Variants in PRUNE2 observed in about 807,000 individuals in gnomAD.
The protein encoded by PRUNE2 is protein prune homolog 2.
A neutral mutation model predicts 252.0 loss-of-function variants in PRUNE2; 164 were observed. The ratio of observed to expected loss-of-function variants is 0.65; its 90% CI spans 0.57 to 0.74. The LOEUF is 0.74. PRUNE2 is among the 30% of genes least tolerant of loss of function. The probability of loss-of-function intolerance (pLI) is 0.00; values close to 1 mark genes in which losing one functional copy is unlikely to be tolerated. For missense variants in PRUNE2, 3,495 were observed against 3,711.0 expected, an observed-to-expected ratio of 0.94 and a Z score of 1.51; for synonymous variants, 1,292 against 1,350.2, an observed-to-expected ratio of 0.96 and a Z score of 0.94.
chr9:76,670,417 G>A (rs1337122518), intron 9 of PRUNE2, among the ~76,000 whole-genome samples: 1 of 151,836 alleles, frequency 6.6e-6, no homozygotes, highest in African/African-American at 2.4e-5. Context: ...ACGGAGTCTC[G>A]CTGATTGCTA....
intron 6 of PRUNE2, among the ~76,000 whole-genome samples, chr9:76,716,594 A>G (rs918899939): frequency 1.3e-5 from 2 of 152,114 alleles, no homozygotes; most frequent in African/African-American, 4.8e-5. Context: ...GTTCTCATTT[A>G]GCAGGTTGGG....
intron 6 of PRUNE2, among the ~76,000 whole-genome samples, chr9:76,750,509 A>G (rs893330009): frequency 1.3e-5 from 2 of 152,348 alleles, no homozygotes; most frequent in Admixed American, 1.3e-4. Context: ...TCCTATGCAT[A>G]GTCAATATCT....
intron 6 of PRUNE2, among the ~76,000 whole-genome samples, chr9:76,813,516 A>G (rs1444058993): frequency 6.6e-6 from 1 of 152,190 alleles, no homozygotes; most frequent in East Asian, 1.9e-4. Flanking sequence ...CAAATAAGGA[A>G]ATATTCTTCC....
intron 6 of PRUNE2, among the ~76,000 whole-genome samples, chr9:76,814,787 G>T (rs965429587): frequency 6.6e-6 from 1 of 152,162 alleles, no homozygotes; most frequent in Non-Finnish European, 1.5e-5. Flanking sequence ...GTCCACATTT[G>T]CATATAAATC....
chr9:76,791,064 C>CTCT (rs1334452794), intron 6 of PRUNE2, among the ~76,000 whole-genome samples: 3 of 152,106 alleles, frequency 2.0e-5, no homozygotes, highest in African/African-American at 2.4e-5. Flanking sequence ...ACAGTGACTG[C>CTCT]CAGAGGTTGA....
In PRUNE2 at chr9:76,665,087, C is replaced by A. The variant is rs557836910; in HGVS notation, c.8277-9585G>T. ...TGTTTACGATCGTCATCCCTACCTC[C>A]TCCAAATTATAACTAATATCCTTCT... On this transcript the variant is annotated intron_variant, in intron 9 of 18. Coordinates refer to ENST00000376718, the MANE Select transcript of PRUNE2 (RefSeq NM_015225.3). Among the ~76,000 whole-genome samples the A allele has an allele frequency of 1.1e-4, 16 of 152,254 alleles. No individual in the cohort carries two copies. The South Asian group carries it at 2.9e-3, about 28-fold the overall frequency.
In PRUNE2 at chr9:76,614,614, A is replaced by G. The variant is rs192371595; in HGVS notation, c.9237-14T>C. 6.2e-6 allele frequency: 10 copies of G among 1,606,094 alleles called. No individual in the cohort carries two copies. The highest frequency in any genetic ancestry group is 8.5e-6 in the Non-Finnish European group (10 of 1,174,224). ...TTCAAGTCAATACTGCAAAGAAAAG[A>G]AAAAGAGAGAGAAACATGAGAAACC... On this transcript the variant is annotated splice_polypyrimidine_tract_variant and intron_variant, in intron 18 of 18. Transcript: ENST00000376718.
intron 1 of PRUNE2, among the ~76,000 whole-genome samples, chr9:76,855,180 A>C (rs1170905404): frequency 6.6e-6 from 1 of 151,242 alleles, no homozygotes; most frequent in Non-Finnish European, 1.5e-5. Flanking sequence ...TCCTTTGTGG[A>C]AGGCTGACAT....
intron 1 of PRUNE2, among the ~76,000 whole-genome samples, chr9:76,870,387 TA>T (rs569688194): frequency 8.2e-5 from 12 of 147,160 alleles, no homozygotes; most frequent in South Asian, 2.1e-4. Context: ...GAGAACATGC[TA>T]AAAAAAAAAT....
chr9:76,698,115 C>T (rs1421585339), intron 9 of PRUNE2, among the ~76,000 whole-genome samples: 2 of 149,982 alleles, frequency 1.3e-5, no homozygotes, highest in Non-Finnish European at 1.5e-5. Context: ...GGTGTGATCT[C>T]GGCTCACTGC....
At chr9:76,647,739 T>C (rs944648432) in intron 11 of PRUNE2, among the ~76,000 whole-genome samples, 3 of 152,028 alleles carry the variant, frequency 2.0e-5, no homozygotes, top group African/African-American at 7.2e-5. Flanking sequence ...CTGAGGTGGG[T>C]GGATCACGAG....
intron 6 of PRUNE2, among the ~76,000 whole-genome samples, chr9:76,818,805 T>C (rs1224288496): frequency 6.6e-6 from 1 of 152,218 alleles, no homozygotes; most frequent in Non-Finnish European, 1.5e-5. Context: ...TTTTAAGTTT[T>C]ATTCTTTTAA....
chr9:76,853,893 T>C (rs985056945), intron 2 of PRUNE2, among the ~76,000 whole-genome samples: 1 of 152,142 alleles, frequency 6.6e-6, no homozygotes, highest in Non-Finnish European at 1.5e-5. Context: ...ATAAGGAGAG[T>C]TGGTAAGAAA....
intron 9 of PRUNE2, among the ~76,000 whole-genome samples, chr9:76,694,352 T>C (rs979092564): frequency 2.6e-5 from 4 of 152,204 alleles, no homozygotes; most frequent in Admixed American, 2.0e-4. Flanking sequence ...CCAACTAATT[T>C]TTGTATTTTT....
chr9:76,828,613 A>C (rs1733307690), intron 4 of PRUNE2, among the ~76,000 whole-genome samples: 1 of 152,234 alleles, frequency 6.6e-6, no homozygotes, highest in African/African-American at 2.4e-5. Flanking sequence ...CAGCACACAG[A>C]ACTAAACAGA....
chr9:76,656,679 G>A (rs1040001556), intron 9 of PRUNE2, among the ~76,000 whole-genome samples: 5 of 152,114 alleles, frequency 3.3e-5, no homozygotes, highest in African/African-American at 1.2e-4. Context: ...AAACAGACCC[G>A]TCTCATTCTC....
intron 1 of PRUNE2, among the ~76,000 whole-genome samples, chr9:76,896,382 T>C (rs969316153): frequency 1.2e-4 from 19 of 152,190 alleles, no homozygotes; most frequent in Non-Finnish European, 5.9e-5. Context: ...TAACTGATGA[T>C]AGGTTTTCAA....
intron 1 of PRUNE2, among the ~76,000 whole-genome samples, chr9:76,880,638 A>G (rs1048069799): frequency 6.6e-6 from 1 of 152,270 alleles, no homozygotes; most frequent in South Asian, 2.1e-4. Context: ...GTACACACAT[A>G]TTTTTTAATA....
intron 9 of PRUNE2, among the ~76,000 whole-genome samples, chr9:76,677,938 G>A (rs968240080): frequency 3.3e-5 from 5 of 152,202 alleles, no homozygotes; most frequent in African/African-American, 4.8e-5. Flanking sequence ...ATCCTGGGGC[G>A]AACGGGACAC....
Sources: allele counts gnomAD v4.1 joint callset (sites outside exome capture counted in the v4.1 genomes callset), GRCh38; gene constraint gnomAD v4.1.1; transcripts MANE v1.5; gene names NCBI Gene and HGNC (gene_info 2026-07-23, HGNC 2026-07-21).